FSTL5: variants seen among roughly 807,000 people sequenced by gnomAD.
FSTL5 encodes follistatin like 5.
In FSTL5, 62 loss-of-function variants were observed where a neutral mutation model predicts 89.1. That is an observed-to-expected ratio of 0.70 (90% confidence interval 0.57 to 0.86). The LOEUF (loss-of-function observed/expected upper bound fraction) is 0.86, where lower values mean the gene tolerates loss of function less well. Among genes scored for constraint, FSTL5 ranks in the 40% least tolerant of loss-of-function variants. The pLI is 0.00. For synonymous variants in FSTL5, 383 were observed against 346.2 expected, an observed-to-expected ratio of 1.11 and a Z score of -1.18; for missense variants, 1,057 against 1,001.6, an observed-to-expected ratio of 1.06 and a Z score of -0.75.
At chr4:161,979,399 A>T (rs1735752216) in intron 3 of FSTL5, among the ~76,000 whole-genome samples, 1 of 152,158 alleles carries the variant, frequency 6.6e-6, no homozygotes, top group African/African-American at 2.4e-5. Context: ...ACTGGAATAT[A>T]AAATATACTG....
At chr4:161,640,035 A>G (rs1227774392) in intron 7 of FSTL5, among the ~76,000 whole-genome samples, 2 of 152,220 alleles carry the variant, frequency 1.3e-5, no homozygotes, top group African/African-American at 4.8e-5. Context: ...TTACATACAG[A>G]GAAAACTAGA....
intron 4 of FSTL5, among the ~76,000 whole-genome samples, chr4:161,858,738 T>C (rs1731804126): frequency 6.6e-6 from 1 of 152,196 alleles, no homozygotes; most frequent in South Asian, 2.1e-4. Context: ...CTTCTAGATG[T>C]GTGTCTTGCT....
intron 3 of FSTL5, among the ~76,000 whole-genome samples, chr4:162,031,577 G>A (rs1210781378): frequency 6.6e-6 from 1 of 152,068 alleles, no homozygotes; most frequent in Non-Finnish European, 1.5e-5. Context: ...GAAAAATGTA[G>A]TGCTTTTCTA....
intron 12 of FSTL5, among the ~76,000 whole-genome samples, chr4:161,489,281 C>T (rs1729786512): frequency 6.6e-6 from 1 of 151,934 alleles, no homozygotes; most frequent in African/African-American, 2.4e-5. Flanking sequence ...GGCCATTAGA[C>T]ACTGAGAACA....
chr4:161,740,333 T>C (rs919236235), intron 6 of FSTL5, among the ~76,000 whole-genome samples: 65 of 151,044 alleles, frequency 4.3e-4, no homozygotes, highest in Admixed American at 2.0e-3. Context: ...AATAGTATAG[T>C]ATCGCTTTTA....
At chr4:161,971,561 C>A (rs992468607) in intron 3 of FSTL5, among the ~76,000 whole-genome samples, 1 of 151,988 alleles carries the variant, frequency 6.6e-6, no homozygotes, top group Non-Finnish European at 1.5e-5. Flanking sequence ...CTAGGAGTAA[C>A]CAGGAACATG....
chr4:161,767,250 C>A (rs998891134), intron 5 of FSTL5, among the ~76,000 whole-genome samples: 1 of 152,144 alleles, frequency 6.6e-6, no homozygotes, highest in Non-Finnish European at 1.5e-5. Flanking sequence ...AATTGCACAT[C>A]CAGGTCTGTT....
intron 1 of FSTL5, among the ~76,000 whole-genome samples, chr4:162,138,316 T>C (rs1732594429): frequency 6.6e-6 from 1 of 151,618 alleles, no homozygotes; most frequent in Non-Finnish European, 1.5e-5. Context: ...GCTGAATTAA[T>C]TAGTTTGATT....
intron 2 of FSTL5, among the ~76,000 whole-genome samples, chr4:162,076,068 T>C (rs1729825849): frequency 1.3e-5 from 2 of 151,880 alleles, no homozygotes. Context: ...GCATATACTA[T>C]AGATGGGAGA....
At chr4:161,809,048 T>C (rs7665938) in intron 4 of FSTL5, among the ~76,000 whole-genome samples, 112,973 of 151,874 alleles carry the variant, frequency 0.74, 42,027 homozygotes, top group Admixed American at 0.77. Context: ...GAAACCCCGT[T>C]TCTACGAAAA....
chr4:161,560,935 T>A (rs1298258351), intron 8 of FSTL5, among the ~76,000 whole-genome samples: 1 of 151,970 alleles, frequency 6.6e-6, no homozygotes, highest in African/African-American at 2.4e-5. Context: ...TAGTCATTTA[T>A]TATTATTATT....
intron 12 of FSTL5, among the ~76,000 whole-genome samples, chr4:161,482,215 C>T (rs1421549385): frequency 6.6e-6 from 1 of 152,002 alleles, no homozygotes; most frequent in Admixed American, 6.5e-5. Flanking sequence ...ACTTGGGAGG[C>T]CGAGGCAGGA....
At chr4:161,483,631 T>C (rs1729590430) in intron 12 of FSTL5, among the ~76,000 whole-genome samples, 1 of 152,242 alleles carries the variant, frequency 6.6e-6, no homozygotes, top group Non-Finnish European at 1.5e-5. Flanking sequence ...GATTATATTA[T>C]ATTATTTCTC....
intron 6 of FSTL5, among the ~76,000 whole-genome samples, chr4:161,726,912 AATATAT>A (rs1310686523): frequency 6.0e-5 from 3 of 49,704 alleles, no homozygotes; most frequent in African/African-American, 9.8e-5. Flanking sequence ...AAAAAAAAAA[AATATAT>A]ATATATATAT....
At chr4:162,147,090 CT>C (rs753129652) in intron 1 of FSTL5, among the ~76,000 whole-genome samples, 37 of 151,968 alleles carry the variant, frequency 2.4e-4, no homozygotes, top group Non-Finnish European at 4.3e-4. Flanking sequence ...TCCTAACATC[CT>C]TTTCTTTCTG....
At chr4:161,490,940 T>C (rs1729850331) in intron 12 of FSTL5, among the ~76,000 whole-genome samples, 1 of 147,198 alleles carries the variant, frequency 6.8e-6, no homozygotes, top group Non-Finnish European at 1.5e-5. Flanking sequence ...TTTAAAAAAA[T>C]CTTTTTAAAT....
At chr4:161,930,891 G>A (rs1379441646) in intron 3 of FSTL5, among the ~76,000 whole-genome samples, 1 of 151,686 alleles carries the variant, frequency 6.6e-6, no homozygotes, top group Non-Finnish European at 1.5e-5. Flanking sequence ...CGGAGCAAAA[G>A]ACACGGAGTC....
At chr4:161,975,547 G>A (rs1214231348) in intron 3 of FSTL5, among the ~76,000 whole-genome samples, 1 of 141,844 alleles carries the variant, frequency 7.1e-6, no homozygotes, top group Non-Finnish European at 1.5e-5. Flanking sequence ...GGTGGGAATT[G>A]AACAATGAGA....
chr4:162,118,313 T>C (rs1047104385), intron 1 of FSTL5, among the ~76,000 whole-genome samples: 3 of 151,914 alleles, frequency 2.0e-5, no homozygotes, highest in Admixed American at 1.3e-4. Context: ...CAGGCTGGAG[T>C]GCAGTGGCGC....
Sources: gnomAD v4.1 joint callset for allele counts (sites outside exome capture counted in the v4.1 genomes callset) on GRCh38, gnomAD v4.1.1 for gene constraint, MANE v1.5 for transcripts, NCBI Gene and HGNC (gene_info 2026-07-23, HGNC 2026-07-21) for gene names.